The following CTNNA2 variants were observed in gnomAD, a reference collection of about 807,000 sequenced individuals.
CTNNA2 encodes catenin alpha-2.
Under a neutral mutation model 101.0 loss-of-function variants are expected in CTNNA2, and 42 were observed. That is an observed-to-expected ratio of 0.42 (90% CI 0.32 to 0.54). The LOEUF (loss-of-function observed/expected upper bound fraction) is 0.54. Ranked by LOEUF, CTNNA2 falls within the 20% of genes least tolerant of loss-of-function variation. The probability of loss-of-function intolerance (pLI) is 0.14; values close to 1 mark genes in which losing one functional copy is unlikely to be tolerated. For synonymous variants in CTNNA2, 450 were observed against 456.4 expected (o/e 0.99, Z 0.18); for missense variants, 871 against 1,223.1 (o/e 0.71, Z 4.29).
At chr2:79,644,529 A>G (rs1230566402) in intron 1 of CTNNA2, among the ~76,000 whole-genome samples, 1 of 152,178 alleles carries the variant, frequency 6.6e-6, no homozygotes, top group African/African-American at 2.4e-5. Flanking sequence ...AATTTTGTCT[A>G]CTTTGCATTA....
chr2:80,498,354 A>G (rs1397926578), intron 9 of CTNNA2, among the ~76,000 whole-genome samples: 1 of 152,190 alleles, frequency 6.6e-6, no homozygotes, highest in Non-Finnish European at 1.5e-5. Flanking sequence ...CCTGTGACTG[A>G]CTGAAAGCCT....
At chr2:79,797,328 A>G (rs1675796390) in intron 3 of CTNNA2, among the ~76,000 whole-genome samples, 1 of 152,018 alleles carries the variant, frequency 6.6e-6, no homozygotes, top group South Asian at 2.1e-4. Context: ...GATTGGTCTC[A>G]TTTCCTTTGT....
At chr2:79,419,842 G>T (rs1678522693) in intron 4 of CTNNA2, among the ~76,000 whole-genome samples, 1 of 152,070 alleles carries the variant, frequency 6.6e-6, no homozygotes, top group Non-Finnish European at 1.5e-5. Context: ...GGAAGGACAT[G>T]ACCCCACCCT....
intron 12 of CTNNA2, 91 bp from the exon 13 acceptor site, chr2:80,574,072 T>G (rs1694828379): frequency 7.4e-7 from 1 of 1,353,360 alleles, no homozygotes; most frequent in Non-Finnish European, 1.0e-6. Context: ...ACTTTTAGAA[T>G]GCCCGAGGAC....
intron 2 of CTNNA2, among the ~76,000 whole-genome samples, chr2:79,744,183 G>T (rs1404170619): frequency 6.6e-6 from 1 of 152,116 alleles, no homozygotes; most frequent in Non-Finnish European, 1.5e-5. Context: ...GGAAATAAAT[G>T]ATAACCATTT....
chr2:80,340,942 A>C (rs1672178681), intron 7 of CTNNA2, among the ~76,000 whole-genome samples: 1 of 152,064 alleles, frequency 6.6e-6, no homozygotes, highest in Non-Finnish European at 1.5e-5. Flanking sequence ...TTAGCTAGGA[A>C]GGCTCATAGA....
chr2:79,579,050 TTTTTCTC>T (rs1455912286), intron 1 of CTNNA2, among the ~76,000 whole-genome samples: 1 of 151,874 alleles, frequency 6.6e-6, no homozygotes, highest in Non-Finnish European at 1.5e-5. Context: ...CTTCCTTCCT[TTTTTCTC>T]TTTTCTTTCC....
intron 7 of CTNNA2, among the ~76,000 whole-genome samples, chr2:80,285,155 CATG>C (rs1378908610): frequency 1.3e-5 from 2 of 152,096 alleles, no homozygotes; most frequent in Non-Finnish European, 2.9e-5. Flanking sequence ...AAAACCAGAC[CATG>C]ATGATTTTAG....
At chr2:79,577,153 A>G (rs1322639251) in intron 1 of CTNNA2, among the ~76,000 whole-genome samples, 1 of 152,064 alleles carries the variant, frequency 6.6e-6, no homozygotes, top group Non-Finnish European at 1.5e-5. Context: ...GTTCATCTGA[A>G]AGTTCTTATA....
chr2:80,491,896 A>G (rs1259159632), intron 9 of CTNNA2, among the ~76,000 whole-genome samples: 1 of 152,128 alleles, frequency 6.6e-6, no homozygotes, highest in East Asian at 1.9e-4. Context: ...ATACTCCAGT[A>G]TCAATTCTAG....
Position 79,754,239 on chromosome 2 carries a change from A to G in CTNNA2, c.298+9657A>G, listed in dbSNP as rs1672250625. ...CCAATGGGCTAAGACAGAGAGCAAG[A>G]CTGAGAAAACATGACAGAGCATGAC... On this transcript the variant is annotated intron_variant, in intron 3 of 18. Coordinates refer to ENST00000402739, the MANE Select transcript of CTNNA2 (RefSeq NM_001282597.3). Among the ~76,000 whole-genome samples, 3 of 152,112 alleles carry G rather than the reference A, an allele frequency of 2.0e-5. No individual in the cohort carries two copies. The South Asian group carries it at 6.2e-4, about 31-fold the overall frequency.
In CTNNA2 at chr2:79,320,386, A is replaced by G. The variant is rs1676592061; in HGVS notation, c.-318+7590A>G. Among the ~76,000 whole-genome samples, 4 of 150,918 alleles carry G rather than the reference A, an allele frequency of 2.7e-5. No individual in the cohort carries two copies. In the South Asian group the frequency reaches 6.2e-4, roughly 24 times the overall value. ...GCTTTCCATGGGACTTACCCCACAT[A>G]CCAAATGCCCCTTGGAGGGCATAAC... On this transcript the variant is annotated intron_variant, in intron 3 of 21. Transcript: ENST00000466387.
chr2:80,239,064 G>A (rs1558931964), intron 7 of CTNNA2, among the ~76,000 whole-genome samples: 1 of 152,174 alleles, frequency 6.6e-6, no homozygotes, highest in Non-Finnish European at 1.5e-5. Context: ...ATCCAGCTCA[G>A]GATTAGATGA....
intron 9 of CTNNA2, among the ~76,000 whole-genome samples, chr2:80,519,714 G>T (rs554429531): frequency 1.3e-5 from 2 of 152,270 alleles, no homozygotes; most frequent in African/African-American, 4.8e-5. Context: ...CCCTTAGATT[G>T]TAGAGGACAA....
In CTNNA2 at chr2:80,126,613, TCCCTCCCTC is replaced by T. The variant is rs1558832992; in HGVS notation, c.1056+216819_1056+216827del. ...CTCCCTCCCTCCCTCCCTCCCTCCC[TCCCTCCCTC>T]CCTCCCTCCCTCCCTTCCTTCCTTC... On this transcript the variant is annotated intron_variant, in intron 7 of 18. Transcript: ENST00000402739. 2.9e-4 allele frequency among the ~76,000 whole-genome samples: 9 copies of T among 31,276 alleles called. No homozygotes were observed. The East Asian group carries it at 0.012, about 42-fold the overall frequency. 20.5% of individuals were successfully genotyped at this position (31,276 alleles called of 152,430 possible). A position where few individuals can be genotyped will look rare whatever the true frequency, so the allele number is the denominator to read the frequency against.
intron 7 of CTNNA2, among the ~76,000 whole-genome samples, chr2:79,930,870 T>G (rs1687394135): frequency 6.6e-6 from 1 of 152,202 alleles, no homozygotes; most frequent in Admixed American, 6.5e-5. Flanking sequence ...ATCCCTGGCT[T>G]GTTAAGAATT....
chr2:79,823,277 G>C (rs75929598), intron 3 of CTNNA2, among the ~76,000 whole-genome samples: 1,701 of 152,298 alleles, frequency 0.011, 37 homozygotes, highest in African/African-American at 0.039. Context: ...AAAGATTGTA[G>C]GATATTTGTG....
chr2:80,632,207 G>T (rs771249692), intron 18 of CTNNA2, among the ~76,000 whole-genome samples: 5 of 152,008 alleles, frequency 3.3e-5, no homozygotes, highest in South Asian at 2.1e-4. Context: ...TACCAGTAAA[G>T]GTGGGCAAGA....
intron 7 of CTNNA2, among the ~76,000 whole-genome samples, chr2:79,922,468 A>G (rs1397440322): frequency 6.6e-6 from 1 of 152,126 alleles, no homozygotes; most frequent in Non-Finnish European, 1.5e-5. Context: ...TGCTGCACCC[A>G]TGAGAAAATT....
Sources: allele counts gnomAD v4.1 joint callset (sites outside exome capture counted in the v4.1 genomes callset), GRCh38; gene constraint gnomAD v4.1.1; transcripts MANE v1.5; gene names NCBI Gene and HGNC (gene_info 2026-07-23, HGNC 2026-07-21).